TASP1: variants seen among roughly 807,000 people sequenced by gnomAD.
TASP1 encodes the protein threonine aspartase 1.
A neutral mutation model predicts 56.6 loss-of-function variants in TASP1; 16 were observed. The ratio of observed to expected loss-of-function variants is 0.28; its 90% confidence interval spans 0.19 to 0.43. TASP1 has a LOEUF of 0.43. Ranked by LOEUF, TASP1 falls within the 20% of genes least tolerant of loss-of-function variation. The pLI is 1.00. For missense variants in TASP1, 393 were observed against 511.6 expected, an observed-to-expected ratio of 0.77 and a Z score of 2.24; for synonymous variants, 179 against 184.2, an observed-to-expected ratio of 0.97 and a Z score of 0.23.
chr20:13,190,400 C>G, the TASP1 span, among the ~76,000 whole-genome samples: 4 of 152,170 alleles, frequency 2.6e-5, no homozygotes, highest in African/African-American at 9.6e-5. Context: ...ACCAATGGAA[C>G]CAAATCAATA....
the TASP1 span, among the ~76,000 whole-genome samples, chr20:13,318,105 G>A: frequency 4.7e-5 from 7 of 147,924 alleles, no homozygotes; most frequent in Admixed American, 2.7e-4. Flanking sequence ...CAAACAACCC[G>A]ATTCTTTAAA....
At chr20:13,290,375 T>C in the TASP1 span, among the ~76,000 whole-genome samples, 1 of 152,172 alleles carries the variant, frequency 6.6e-6, no homozygotes, top group East Asian at 1.9e-4. Flanking sequence ...GATTGCCTGG[T>C]GCGGTGGCTC....
chr20:13,538,138 A>G lies in TASP1; in HGVS notation c.676-3997T>C, dbSNP rs1183703315. Among the ~76,000 whole-genome samples, 3 of 151,266 alleles carry G rather than the reference A, an allele frequency of 2.0e-5. No individual in the cohort carries two copies. The East Asian group carries it at 5.8e-4, about 29-fold the overall frequency. Reference sequence around the variant, plus strand: ...CTGCCTCAGCTTCCCGAGTAGGGGGATTAAAGGCACCCACCACCACACCCA... The same window carrying G: ...CTGCCTCAGCTTCCCGAGTAGGGGGGTTAAAGGCACCCACCACCACACCCA... On this transcript the variant is annotated intron_variant, in intron 8 of 13. Transcript: ENST00000337743.
chr20:13,371,710 A>G, the TASP1 span, among the ~76,000 whole-genome samples: 365 of 152,204 alleles, frequency 2.4e-3, 1 homozygote, highest in African/African-American at 8.6e-3. Context: ...TGTTGATCTT[A>G]TGCCTCATTA....
At chr20:13,396,635 T>C (rs753421241) in intron 13 of TASP1, among the ~76,000 whole-genome samples, 12 of 152,240 alleles carry the variant, frequency 7.9e-5, no homozygotes, top group Non-Finnish European at 1.8e-4. Context: ...TTTCTCATTG[T>C]CTTAAATTAA....
the TASP1 span, chr20:13,300,673 G>A: frequency 6.6e-6 from 1 of 152,162 alleles, no homozygotes; most frequent in African/African-American, 2.4e-5. Context: ...CTTCATTTAT[G>A]ATACAAATGC....
the TASP1 span, among the ~76,000 whole-genome samples, chr20:13,372,062 A>C: frequency 6.6e-6 from 1 of 152,114 alleles, no homozygotes; most frequent in Non-Finnish European, 1.5e-5. Context: ...TTCTGTAGAG[A>C]GCATATAATT....
At chr20:13,501,132 T>C (rs1342297706) in intron 10 of TASP1, among the ~76,000 whole-genome samples, 2 of 152,076 alleles carry the variant, frequency 1.3e-5, no homozygotes, top group Admixed American at 1.3e-4. Flanking sequence ...AAAACATCCT[T>C]CAAAAGCAAA....
the TASP1 span, chr20:13,299,364 A>G: frequency 6.2e-7 from 1 of 1,613,842 alleles, no homozygotes; most frequent in Non-Finnish European, 8.5e-7. The surrounding 1 kb of genome is among the most constrained non-coding windows in gnomAD (Gnocchi z 5.8). Flanking sequence ...GAGCAGGTAT[A>G]ACGAGGCCCG....
the TASP1 span, among the ~76,000 whole-genome samples, chr20:13,132,317 C>G: frequency 6.6e-6 from 1 of 151,502 alleles, no homozygotes; most frequent in African/African-American, 2.4e-5. Context: ...GCTGGGACTA[C>G]AGGAACCCAC....
chr20:13,549,875 T>C (rs889213272), intron 8 of TASP1, among the ~76,000 whole-genome samples: 1 of 152,142 alleles, frequency 6.6e-6, no homozygotes, highest in Non-Finnish European at 1.5e-5. Context: ...AGGAAGAATT[T>C]ACAAGGCCGA....
chr20:13,247,143 A>G, the TASP1 span, among the ~76,000 whole-genome samples: 2,945 of 152,254 alleles, frequency 0.019, 38 homozygotes, highest in Non-Finnish European at 0.026. Flanking sequence ...AGGCAGGAGA[A>G]TCACTTGAAC....
At chr20:13,447,876 C>T (rs1006807231) in intron 11 of TASP1, among the ~76,000 whole-genome samples, 1 of 152,010 alleles carries the variant, frequency 6.6e-6, no homozygotes, top group African/African-American at 2.4e-5. Flanking sequence ...AGGCAGTAAG[C>T]CCTTGGCTAT....
chr20:13,273,334 A>G, the TASP1 span, among the ~76,000 whole-genome samples: 1 of 151,722 alleles, frequency 6.6e-6, no homozygotes, highest in East Asian at 1.9e-4. Flanking sequence ...TCCTGGGCTC[A>G]AGTGATCCTC....
At chr20:13,524,976 A>T (rs186374721) in intron 10 of TASP1, among the ~76,000 whole-genome samples, 5 of 152,344 alleles carry the variant, frequency 3.3e-5, no homozygotes, top group Admixed American at 3.3e-4. Context: ...ATGAGGCATG[A>T]CTTTGCTATC....
chr20:13,452,579 A>T (rs1460182557), intron 11 of TASP1, among the ~76,000 whole-genome samples: 1 of 152,032 alleles, frequency 6.6e-6, no homozygotes, highest in Admixed American at 6.6e-5. Flanking sequence ...TCTCACTAGA[A>T]TCTACAGGCA....
At chr20:13,343,701 G>A in the TASP1 span, among the ~76,000 whole-genome samples, 2 of 152,058 alleles carry the variant, frequency 1.3e-5, no homozygotes, top group African/African-American at 4.8e-5. Flanking sequence ...CAGGGAATTG[G>A]GCGTCCACCT....
the TASP1 span, chr20:13,279,545 C>T: frequency 7.7e-7 from 1 of 1,305,848 alleles, no homozygotes; most frequent in Non-Finnish European, 1.1e-6. Context: ...CCATCATTTC[C>T]CTCTGCCCTC....
chr20:13,427,484 C>A (rs557816921), intron 12 of TASP1, among the ~76,000 whole-genome samples: 2 of 151,952 alleles, frequency 1.3e-5, no homozygotes, highest in East Asian at 1.9e-4. Flanking sequence ...TGAGAACATG[C>A]GGAAATTTTC....
Sources: allele counts gnomAD v4.1 joint callset (sites outside exome capture counted in the v4.1 genomes callset), GRCh38; gene constraint gnomAD v4.1.1; non-coding constraint Gnocchi (gnomAD v3.1); transcripts MANE v1.5; gene names NCBI Gene and HGNC (gene_info 2026-07-23, HGNC 2026-07-21).